CSMD1: variants seen among roughly 807,000 people sequenced by gnomAD.
CSMD1 encodes the protein CUB and Sushi multiple domains 1.
A neutral mutation model predicts 417.5 loss-of-function variants in CSMD1; 213 were observed. The ratio of observed to expected loss-of-function variants is 0.51; its 90% confidence interval spans 0.46 to 0.57. The LOEUF is 0.57. Ranked by LOEUF, CSMD1 falls within the 20% of genes least tolerant of loss-of-function variation. CSMD1 has a pLI of 0.00. For synonymous variants in CSMD1, 2,862 were observed against 1,736.8 expected (o/e 1.65, Z -16.11); for missense variants, 6,923 against 4,529.7 (o/e 1.53, Z -15.17).
chr8:3,368,809 C>G (rs1234823535), intron 19 of CSMD1, among the ~76,000 whole-genome samples: 2 of 152,184 alleles, frequency 1.3e-5, no homozygotes, highest in Non-Finnish European at 2.9e-5. Context: ...TGAGCCATCT[C>G]TGGATTATGT....
Position 3,775,999 on chromosome 8 carries a change from C to T in CSMD1, c.819-21957G>A, listed in dbSNP as rs576637298. Among the ~76,000 whole-genome samples, 7 of 152,324 alleles carry T rather than the reference C, an allele frequency of 4.6e-5. No individual in the cohort carries two copies. In the South Asian group the frequency reaches 1.0e-3, roughly 23 times the overall value. ...CAGGCTTCCTCCTCAGAGCTTCAGA[C>T]CCTGATCCAAATTTCCCCTTGACTC... On this transcript the variant is annotated intron_variant, in intron 5 of 69. Coordinates refer to ENST00000635120, the MANE Select transcript of CSMD1 (RefSeq NM_033225.6).
intron 25 of CSMD1, among the ~76,000 whole-genome samples, chr8:3,296,519 C>G (rs1247855812): frequency 6.6e-6 from 1 of 152,104 alleles, no homozygotes; most frequent in Non-Finnish European, 1.5e-5. Flanking sequence ...GGAGTCCTCA[C>G]CAACAATTTA....
chr8:4,456,425 G>T (rs1006976178), intron 2 of CSMD1, among the ~76,000 whole-genome samples: 1 of 152,144 alleles, frequency 6.6e-6, no homozygotes, highest in African/African-American at 2.4e-5. Flanking sequence ...TAGAAAAAAA[G>T]TATTTTTAAT....
intron 49 of CSMD1, among the ~76,000 whole-genome samples, chr8:3,060,549 A>G (rs967314324): frequency 1.3e-5 from 2 of 152,180 alleles, no homozygotes; most frequent in Non-Finnish European, 2.9e-5. Flanking sequence ...AGGAAGTTAG[A>G]CTTGCTCACA....
intron 1 of CSMD1, among the ~76,000 whole-genome samples, chr8:4,811,164 C>G (rs918015632): frequency 7.2e-5 from 11 of 152,120 alleles, no homozygotes; most frequent in African/African-American, 2.7e-4. Context: ...GTGGCATCAA[C>G]CATCACTGCT....
intron 7 of CSMD1, among the ~76,000 whole-genome samples, chr8:3,648,794 T>G (rs1410116918): frequency 6.6e-6 from 1 of 151,608 alleles, no homozygotes; most frequent in Non-Finnish European, 1.5e-5. Flanking sequence ...AACCTATCTT[T>G]ACGCGGCACC....
intron 7 of CSMD1, among the ~76,000 whole-genome samples, chr8:3,697,383 T>A (rs1800613230): frequency 6.6e-6 from 1 of 152,228 alleles, no homozygotes; most frequent in Admixed American, 6.5e-5. Flanking sequence ...TTCCCTTTGA[T>A]CATCTGAGTT....
At chr8:4,136,951 C>T (rs556498542) in intron 3 of CSMD1, among the ~76,000 whole-genome samples, 2 of 152,282 alleles carry the variant, frequency 1.3e-5, no homozygotes, top group South Asian at 2.1e-4. Context: ...ATCATCAAAA[C>T]CAATATTCAG....
intron 5 of CSMD1, among the ~76,000 whole-genome samples, chr8:3,987,789 G>A (rs982434046): frequency 5.9e-5 from 9 of 152,166 alleles, no homozygotes; most frequent in African/African-American, 1.7e-4. Context: ...TCTGCGCCAC[G>A]TCAAGAAGCA....
At chr8:3,309,777 C>T (rs1403933051) in intron 23 of CSMD1, among the ~76,000 whole-genome samples, 1 of 152,114 alleles carries the variant, frequency 6.6e-6, no homozygotes, top group Non-Finnish European at 1.5e-5. Flanking sequence ...TCTGAGATGC[C>T]CTTCCATTGA....
chr8:3,414,270 G>C (rs910597257), intron 12 of CSMD1, among the ~76,000 whole-genome samples: 2 of 111,582 alleles, frequency 1.8e-5, no homozygotes, highest in African/African-American at 3.3e-5. Flanking sequence ...CCAAATTATT[G>C]AACTAGATAT....
intron 1 of CSMD1, chr8:4,788,468 A>C (rs4875119): frequency 1.5e-6 from 2 of 1,323,568 alleles, no homozygotes; most frequent in Non-Finnish European, 2.2e-6. Context: ...AGCTCAATTT[A>C]CTGCTCAGAT....
intron 11 of CSMD1, among the ~76,000 whole-genome samples, chr8:3,470,828 C>A (rs1046047286): frequency 1.3e-5 from 2 of 152,122 alleles, no homozygotes; most frequent in East Asian, 3.9e-4. Flanking sequence ...GAAGATTTAT[C>A]CCAGTTGTTG....
intron 52 of CSMD1, among the ~76,000 whole-genome samples, chr8:3,009,842 A>G (rs1808246833): frequency 6.6e-6 from 1 of 152,164 alleles, no homozygotes; most frequent in South Asian, 2.1e-4. Flanking sequence ...CCACAAATCC[A>G]TTTGATCAGA....
At chr8:4,321,778 A>G (rs1429297497) in intron 3 of CSMD1, among the ~76,000 whole-genome samples, 1 of 152,204 alleles carries the variant, frequency 6.6e-6, no homozygotes, top group Non-Finnish European at 1.5e-5. Context: ...TTGAAAATTT[A>G]CAATTTTTTT....
intron 3 of CSMD1, among the ~76,000 whole-genome samples, chr8:4,333,001 G>C (rs913501851): frequency 2.3e-4 from 35 of 149,584 alleles, no homozygotes; most frequent in African/African-American, 8.4e-4. Context: ...TCATATGAAA[G>C]AGCCTAGCAA....
chr8:3,439,309 ATT>A (rs1554552766), intron 12 of CSMD1, among the ~76,000 whole-genome samples: 35 of 62,442 alleles, frequency 5.6e-4, no homozygotes, highest in South Asian at 3.0e-3. Context: ...ATATATATAT[ATT>A]TTTTTTTTTA....
At position 3,285,851 on chromosome 8, in the gene CSMD1, A is replaced by C. The variant is rs1394000849; in HGVS notation, c.3951-1505T>G. On this transcript the variant is annotated intron_variant, in intron 25 of 69. Transcript: ENST00000635120. ...TATATATATATTTTATTATTATTATACTTTAAATTTTAAGGTAAATGTGCA... is the reference window on the plus strand; with the variant it reads ...TATATATATATTTTATTATTATTATCCTTTAAATTTTAAGGTAAATGTGCA... Among the ~76,000 whole-genome samples the C allele has an allele frequency of 3.3e-5, 5 of 151,738 alleles. No individual in the cohort carries two copies. The East Asian group carries it at 9.7e-4, about 29-fold the overall frequency.
chr8:3,934,218 A>C lies in CSMD1; in HGVS notation c.818+63685T>G, dbSNP rs114504274. Among the ~76,000 whole-genome samples, 1,144 of 152,302 alleles carry C rather than the reference A, an allele frequency of 7.5e-3. 17 individuals carry two copies. The highest frequency in any genetic ancestry group is 0.026 in the African/African-American group (1,070 of 41,562). ...TCTTAATTTCATTACACTCCTACCT[A>C]ATCAATGATGAAAACTGATGAACTT... is the stretch of plus-strand genomic sequence containing the variant. On this transcript the variant is annotated intron_variant, in intron 5 of 69. Transcript: ENST00000635120.
Sources: gnomAD v4.1 joint callset for allele counts (sites outside exome capture counted in the v4.1 genomes callset) on GRCh38, gnomAD v4.1.1 for gene constraint, MANE v1.5 for transcripts, NCBI Gene and HGNC (gene_info 2026-07-23, HGNC 2026-07-21) for gene names.